The following RAD51B variants were observed in gnomAD, a reference collection of about 807,000 sequenced individuals.
RAD51B encodes the protein RAD51 paralog B.
RAD51B carries 38 observed loss-of-function variants against 42.2 expected under a neutral mutation model. That is an observed-to-expected ratio of 0.90 (90% CI 0.70 to 1.18). The LOEUF (loss-of-function observed/expected upper bound fraction) is 1.18. Ranked by LOEUF, RAD51B falls within the 50% of genes most tolerant of loss-of-function variation. RAD51B has a pLI of 0.00. For missense variants in RAD51B, 373 were observed against 400.7 expected, an observed-to-expected ratio of 0.93 and a Z score of 0.59; for synonymous variants, 154 against 145.2, an observed-to-expected ratio of 1.06 and a Z score of -0.43.
intron 10 of RAD51B, among the ~76,000 whole-genome samples, chr14:68,549,477 G>A (rs962868712): frequency 4.0e-5 from 5 of 126,244 alleles, no homozygotes; most frequent in Non-Finnish European, 8.1e-5. Flanking sequence ...GTGCAGTGGC[G>A]CGATCTCGAC....
chr14:67,949,963 A>T (rs2074412888), intron 7 of RAD51B, among the ~76,000 whole-genome samples: 1 of 152,114 alleles, frequency 6.6e-6, no homozygotes. Flanking sequence ...ATATTCAGTA[A>T]ACCATGCTAT....
chr14:68,356,764 G>A (rs7401360), intron 8 of RAD51B, among the ~76,000 whole-genome samples: 5,461 of 128,962 alleles, frequency 0.042, no homozygotes, highest in East Asian at 0.13. Flanking sequence ...GGCGGATCAC[G>A]AGGTCAGGAG....
chr14:67,917,432 A>G (rs1413426184), intron 7 of RAD51B, among the ~76,000 whole-genome samples: 1 of 152,200 alleles, frequency 6.6e-6, no homozygotes, highest in Non-Finnish European at 1.5e-5. Flanking sequence ...TTAAACCACC[A>G]GATCTCTTGA....
chr14:68,088,884 T>C (rs1475282583), intron 7 of RAD51B, among the ~76,000 whole-genome samples: 1 of 152,068 alleles, frequency 6.6e-6, no homozygotes, highest in African/African-American at 2.4e-5. Flanking sequence ...CCTAATTAAG[T>C]GGTGAGGATG....
intron 11 of RAD51B, among the ~76,000 whole-genome samples, chr14:68,669,125 C>T (rs536568652): frequency 6.6e-6 from 1 of 152,290 alleles, no homozygotes; most frequent in East Asian, 1.9e-4. Context: ...GTGGCATGAC[C>T]CATGGATGTG....
intron 8 of RAD51B, among the ~76,000 whole-genome samples, chr14:68,301,406 G>T (rs1284500953): frequency 1.3e-5 from 2 of 151,988 alleles, no homozygotes; most frequent in African/African-American, 4.8e-5. Context: ...GTCGATAAGT[G>T]GCTGCCAGAG....
chr14:68,368,387 T>G (rs1485759207), intron 8 of RAD51B, among the ~76,000 whole-genome samples: 1 of 152,230 alleles, frequency 6.6e-6, no homozygotes, highest in Non-Finnish European at 1.5e-5. Flanking sequence ...AATGTTCACC[T>G]GCCAGAGTAA....
intron 7 of RAD51B, among the ~76,000 whole-genome samples, chr14:68,244,259 A>T (rs2080449338): frequency 6.6e-6 from 1 of 152,236 alleles, no homozygotes; most frequent in Non-Finnish European, 1.5e-5. Context: ...GTACAATAAG[A>T]ATTCATCAAA....
chr14:68,619,630 G>C (rs1891902979), intron 10 of RAD51B, among the ~76,000 whole-genome samples: 1 of 152,158 alleles, frequency 6.6e-6, no homozygotes, highest in Admixed American at 6.5e-5. Context: ...CCAAAGGTAT[G>C]GTGGAAGGAA....
chr14:68,052,398 A>G (rs1350350334), intron 7 of RAD51B, among the ~76,000 whole-genome samples: 5 of 150,400 alleles, frequency 3.3e-5, no homozygotes, highest in Non-Finnish European at 7.4e-5. Context: ...TTTTTAACTG[A>G]TGAGGAAACT....
intron 10 of RAD51B, among the ~76,000 whole-genome samples, chr14:68,634,726 G>C (rs1162760207): frequency 6.6e-6 from 1 of 152,206 alleles, no homozygotes; most frequent in African/African-American, 2.4e-5. Flanking sequence ...AATGGTGCTA[G>C]ATCAAGGGAG....
intron 10 of RAD51B, among the ~76,000 whole-genome samples, chr14:68,519,593 G>A (rs1886426777): frequency 6.6e-6 from 1 of 152,200 alleles, no homozygotes; most frequent in Non-Finnish European, 1.5e-5. Context: ...AACACGACTG[G>A]TTCTGCCTTG....
intron 6 of RAD51B, chr14:67,886,635 A>G (rs1216328460): frequency 8.6e-6 from 2 of 233,524 alleles, no homozygotes; most frequent in Admixed American, 5.5e-5. Flanking sequence ...ATAAGGTACC[A>G]TGATCTTGTC....
chr14:68,271,433 T>C (rs2081101743), intron 7 of RAD51B, among the ~76,000 whole-genome samples: 1 of 152,192 alleles, frequency 6.6e-6, no homozygotes, highest in Non-Finnish European at 1.5e-5. Context: ...TAGAAAGTGA[T>C]TTAACCTCTC....
intron 7 of RAD51B, among the ~76,000 whole-genome samples, chr14:68,210,257 C>G (rs1379119844): frequency 6.6e-6 from 1 of 152,108 alleles, no homozygotes; most frequent in African/African-American, 2.4e-5. Context: ...CCGCACCCAG[C>G]CAGGAATATC....
At chr14:68,332,188 A>C (rs10139877) in intron 8 of RAD51B, among the ~76,000 whole-genome samples, 4,881 of 152,122 alleles carry the variant, frequency 0.032, 239 homozygotes, top group African/African-American at 0.11. Flanking sequence ...CTCTCCCATA[A>C]TTTCCTTTCA....
intron 4 of RAD51B, among the ~76,000 whole-genome samples, chr14:67,840,176 C>T (rs2041377785): frequency 6.6e-6 from 1 of 152,140 alleles, no homozygotes; most frequent in Non-Finnish European, 1.5e-5. Context: ...AGGTTTGTTA[C>T]ATTGGTATAT....
chr14:68,235,658 C>A (rs1447035844), intron 7 of RAD51B, among the ~76,000 whole-genome samples: 1 of 143,214 alleles, frequency 7.0e-6, no homozygotes, highest in Admixed American at 7.0e-5. Context: ...GAGCCGAGAT[C>A]CCGCCACTGC....
chr14:68,423,305 G>A (rs566786239), intron 9 of RAD51B, among the ~76,000 whole-genome samples: 1 of 152,274 alleles, frequency 6.6e-6, no homozygotes, highest in East Asian at 1.9e-4. Context: ...GGGAGGGATT[G>A]AAAACAATCC....
Sources: allele counts gnomAD v4.1 joint callset (sites outside exome capture counted in the v4.1 genomes callset), GRCh38; gene constraint gnomAD v4.1.1; transcripts MANE v1.5; gene names NCBI Gene and HGNC (gene_info 2026-07-23, HGNC 2026-07-21).